The following FBXL13 variants were observed in gnomAD, a reference collection of about 807,000 sequenced individuals.
The protein encoded by FBXL13 is F-box and leucine-rich repeat protein 13.
Under a neutral mutation model 83.6 loss-of-function variants are expected in FBXL13, and 67 were observed. The ratio of observed to expected loss-of-function variants is 0.80; its 90% CI spans 0.66 to 0.98. The LOEUF (loss-of-function observed/expected upper bound fraction) is 0.98. Among genes scored for constraint, FBXL13 ranks in the 50% least tolerant of loss-of-function variants. The pLI is 0.00. For missense variants in FBXL13, 822 were observed against 866.5 expected (o/e 0.95, Z 0.64); for synonymous variants, 272 against 299.5 (o/e 0.91, Z 0.95).
intron 6 of FBXL13, among the ~76,000 whole-genome samples, chr7:102,992,079 C>T (rs961865617): frequency 6.6e-6 from 1 of 152,112 alleles, no homozygotes; most frequent in Non-Finnish European, 1.5e-5. Context: ...TATCCTAATG[C>T]TCTTAGAGAA....
chr7:103,024,857 A>ATATATATATTTTTTTTT (rs1298384907), intron 6 of FBXL13, among the ~76,000 whole-genome samples: 1 of 62,854 alleles, frequency 1.6e-5, no homozygotes, highest in African/African-American at 9.0e-5. Flanking sequence ...ATATATATAT[A>ATATATATATTTTTTTTT]TTTTTTTTTT....
chr7:102,835,324 G>A (rs766324770), intron 17 of FBXL13, among the ~76,000 whole-genome samples: 2 of 152,126 alleles, frequency 1.3e-5, no homozygotes, highest in African/African-American at 4.8e-5. Context: ...CAAGCATAGT[G>A]GGGCACACCC....
intron 2 of FBXL13, among the ~76,000 whole-genome samples, chr7:103,042,754 A>C (rs1795859017): frequency 3.9e-5 from 6 of 152,218 alleles, no homozygotes. Flanking sequence ...TGCTGAAAAA[A>C]CTGGCTAGCC....
At chr7:102,845,587 A>G (rs1803798177) in intron 17 of FBXL13, among the ~76,000 whole-genome samples, 1 of 152,190 alleles carries the variant, frequency 6.6e-6, no homozygotes, top group African/African-American at 2.4e-5. Context: ...CTTTAACCAC[A>G]TCTTCACACT....
chr7:103,056,819 C>T (rs981854421), intron 1 of FBXL13, among the ~76,000 whole-genome samples: 2 of 149,698 alleles, frequency 1.3e-5, no homozygotes, highest in African/African-American at 4.9e-5. Context: ...ACGCCAACAT[C>T]TATTTTTTTT....
intron 8 of FBXL13, among the ~76,000 whole-genome samples, chr7:102,948,596 T>G (rs1442798001): frequency 6.6e-6 from 1 of 151,896 alleles, no homozygotes; most frequent in Non-Finnish European, 1.5e-5. Flanking sequence ...GCTAATGTTT[T>G]GTATTTTTAG....
At chr7:102,872,831 AC>A (rs1808705605) in intron 16 of FBXL13, among the ~76,000 whole-genome samples, 1 of 151,978 alleles carries the variant, frequency 6.6e-6, no homozygotes, top group Admixed American at 6.6e-5. Context: ...CCACTTAGAA[AC>A]CCTATCCTGT....
At chr7:103,004,989 C>T (rs189938360) in intron 6 of FBXL13, among the ~76,000 whole-genome samples, 32 of 152,300 alleles carry the variant, frequency 2.1e-4, no homozygotes, top group African/African-American at 7.5e-4. Flanking sequence ...AATCAAGGAA[C>T]ATAGTCCTAG....
intron 6 of FBXL13, among the ~76,000 whole-genome samples, chr7:102,986,316 G>C (rs1276156052): frequency 6.6e-6 from 1 of 152,158 alleles, no homozygotes; most frequent in Non-Finnish European, 1.5e-5. Flanking sequence ...TTGGAAAGTT[G>C]CTGAGACTTC....
intron 6 of FBXL13, chr7:102,973,782 C>G: frequency 1.3e-6 from 1 of 758,516 alleles, no homozygotes. Context: ...GTAAGTTTCC[C>G]GGGAGCCCGG....
At chr7:102,982,381 T>C (rs2129483546) in intron 6 of FBXL13, among the ~76,000 whole-genome samples, 1 of 152,208 alleles carries the variant, frequency 6.6e-6, no homozygotes, top group East Asian at 1.9e-4. Flanking sequence ...CCCAAGAATC[T>C]TGACTATGGA....
intron 14 of FBXL13, 152 bp from the exon 16 acceptor site, chr7:102,878,602 G>C (rs1454751501): frequency 2.4e-6 from 1 of 421,376 alleles, no homozygotes; most frequent in Non-Finnish European, 4.1e-6. Flanking sequence ...AACCAAATTT[G>C]ATTATATAGA....
chr7:103,014,991 T>C (rs1307893795), intron 6 of FBXL13, among the ~76,000 whole-genome samples: 2 of 151,640 alleles, frequency 1.3e-5, no homozygotes, highest in African/African-American at 4.9e-5. Flanking sequence ...CAAAAAGCTT[T>C]TCCACCATGG....
chr7:102,935,195 G>A (rs1468054968), intron 8 of FBXL13, among the ~76,000 whole-genome samples: 3 of 147,928 alleles, frequency 2.0e-5, no homozygotes, highest in Non-Finnish European at 3.0e-5. Flanking sequence ...TTAGTCCCAA[G>A]GTTTTAATAA....
At chr7:102,960,398 C>A (rs975199839) in intron 8 of FBXL13, among the ~76,000 whole-genome samples, 2 of 152,008 alleles carry the variant, frequency 1.3e-5, no homozygotes, top group Admixed American at 1.3e-4. Context: ...CGAATTCTAC[C>A]AGAGGTACAA....
intron 10 of FBXL13, among the ~76,000 whole-genome samples, chr7:102,921,329 A>G (rs550953120): frequency 4.3e-4 from 65 of 152,360 alleles, no homozygotes; most frequent in African/African-American, 1.5e-3. Context: ...ATATATCACT[A>G]TTATAATGAT....
chr7:103,046,723 A>G (rs1243616425), intron 2 of FBXL13: 3 of 152,234 alleles, frequency 2.0e-5, no homozygotes, highest in African/African-American at 7.2e-5. Context: ...ACAATAGTAG[A>G]TGTCTTGATC....
At chr7:102,915,986 T>A (rs1329793090) in intron 10 of FBXL13, among the ~76,000 whole-genome samples, 1 of 139,216 alleles carries the variant, frequency 7.2e-6, no homozygotes, top group Non-Finnish European at 1.5e-5. Context: ...AGTTTCTTCT[T>A]TTTTTTTTTT....
chr7:102,937,666 G>A (rs886597343), intron 8 of FBXL13, among the ~76,000 whole-genome samples: 1 of 152,078 alleles, frequency 6.6e-6, no homozygotes, highest in Non-Finnish European at 1.5e-5. Flanking sequence ...GAAGAGTCTT[G>A]TTTATTAAAT....
Sources: gnomAD v4.1 joint callset for allele counts (sites outside exome capture counted in the v4.1 genomes callset) on GRCh38, gnomAD v4.1.1 for gene constraint, MANE v1.5 for transcripts, NCBI Gene and HGNC (gene_info 2026-07-23, HGNC 2026-07-21) for gene names.